Variants in DIP2C observed in about 807,000 individuals in gnomAD.
DIP2C encodes the protein disco-interacting protein 2 homolog C.
A neutral mutation model predicts 192.4 loss-of-function variants in DIP2C; 33 were observed. The observed-to-expected ratio is 0.17, with a 90% CI of 0.13 to 0.23. The LOEUF (loss-of-function observed/expected upper bound fraction) is 0.23, where lower values mean the gene tolerates loss of function less well. Among genes scored for constraint, DIP2C ranks in the 10% least tolerant of loss-of-function variants. The probability of loss-of-function intolerance (pLI) is 1.00; values close to 1 mark genes in which losing one functional copy is unlikely to be tolerated. For missense variants in DIP2C, 1,537 were observed against 2,110.1 expected (o/e 0.73, Z 5.32); for synonymous variants, 979 against 864.1 (o/e 1.13, Z -2.33).
Position 651,022 on chromosome 10 carries a change from C to T in DIP2C, c.85+38472G>A, listed in dbSNP as rs1000967076. On this transcript the variant is annotated intron_variant, in intron 1 of 36. Transcript: ENST00000280886. The surrounding 1 kb of genome is among the most constrained non-coding windows in gnomAD (Gnocchi z 4.1). ...GTGCCAGGGCTCAGGCCCCAGCCCC[C>T]GTTTCTGCAGAAGCCCCTTTCCATC... 1.4e-5 allele frequency: 10 copies of T among 717,340 alleles called. No individual in the cohort carries two copies. Among genetic ancestry groups the T allele is most frequent in the East Asian group, 2.7e-5 (1 of 37,300 alleles). The allele number at this position is 717,340 out of a possible 1,614,324, so 44.4% of individuals were successfully genotyped here.
chr10:417,753 G>A (rs1473603753), intron 6 of DIP2C, among the ~76,000 whole-genome samples: 2 of 129,488 alleles, frequency 1.5e-5, no homozygotes, highest in African/African-American at 6.5e-5. Context: ...GGCTCGGATA[G>A]GCATCCCTGT....
rs187492577 is a variant in DIP2C, at chr10:463,308, A to G, written c.268+9131T>C. ...TAAGCAACTTCAGCAAAGTCTCAGG[A>G]TACAAAATCAATGTGCAAAAATCAC... On this transcript the variant is annotated intron_variant, in intron 3 of 36. Coordinates refer to ENST00000280886, the MANE Select transcript of DIP2C (RefSeq NM_014974.3). 1.8e-4 allele frequency among the ~76,000 whole-genome samples: 27 copies of G among 152,348 alleles called. No homozygotes were observed. The East Asian group carries it at 4.6e-3, about 26-fold the overall frequency.
intron 18 of DIP2C, among the ~76,000 whole-genome samples, chr10:367,259 T>C (rs971711446): frequency 1.3e-5 from 2 of 151,656 alleles, no homozygotes; most frequent in East Asian, 1.9e-4. Flanking sequence ...CTACTAAAAA[T>C]ACAAAAAAGT....
chr10:671,226 G>A (rs1177393365), intron 1 of DIP2C, among the ~76,000 whole-genome samples: 1 of 152,266 alleles, frequency 6.6e-6, no homozygotes, highest in Non-Finnish European at 1.5e-5. Context: ...AGTAAGTGGT[G>A]ACTAGAGAGA....
chr10:416,157 AC>A (rs1965622393), intron 6 of DIP2C, among the ~76,000 whole-genome samples: 1 of 152,136 alleles, frequency 6.6e-6, no homozygotes. Context: ...TCAGGGCCAC[AC>A]CTGCTTGACC....
chr10:582,455 C>T (rs936127619), intron 1 of DIP2C, among the ~76,000 whole-genome samples: 1 of 152,174 alleles, frequency 6.6e-6, no homozygotes, highest in Non-Finnish European at 1.5e-5. Flanking sequence ...TGCTGGTGCG[C>T]GCCTGAGGTC....
At chr10:625,680 A>G (rs1249532986) in intron 1 of DIP2C, among the ~76,000 whole-genome samples, 1 of 152,228 alleles carries the variant, frequency 6.6e-6, no homozygotes, top group Non-Finnish European at 1.5e-5. Flanking sequence ...TCACGGCTGA[A>G]GCAGGAACGA....
intron 32 of DIP2C, among the ~76,000 whole-genome samples, chr10:289,756 G>C (rs1171678362): frequency 6.6e-6 from 1 of 152,192 alleles, no homozygotes; most frequent in Non-Finnish European, 1.5e-5. Context: ...CGTGGCACGA[G>C]GGAGGCCACG....
chr10:377,581 T>C (rs1007183753), intron 17 of DIP2C, among the ~76,000 whole-genome samples: 1 of 152,192 alleles, frequency 6.6e-6, no homozygotes, highest in African/African-American at 2.4e-5. Context: ...TTCTCTTACA[T>C]GCGGGATTAT....
chr10:559,312 A>G lies in DIP2C; in HGVS notation c.86-72782T>C, dbSNP rs565661039. ...CCTCGGCCTGGAACAGCTGGTGTCCATGGGGGCGGTGGGGAACGCCGGGGG... is the reference window on the plus strand; with the variant it reads ...CCTCGGCCTGGAACAGCTGGTGTCCGTGGGGGCGGTGGGGAACGCCGGGGG... On this transcript the variant is annotated intron_variant, in intron 1 of 36. Transcript: ENST00000280886. 2.5e-3 allele frequency among the ~76,000 whole-genome samples: 337 copies of G among 133,006 alleles called. 4 individuals are homozygous for G. Among genetic ancestry groups the G allele is most frequent in the African/African-American group, 9.7e-3 (297 of 30,674 alleles). The allele number at this position is 133,006 out of a possible 152,430, so 87.3% of individuals were successfully genotyped here. A position where few individuals can be genotyped will look rare whatever the true frequency, so the allele number is the denominator to read the frequency against.
chr10:356,495 G>GAGGAAC lies in DIP2C; in HGVS notation c.2910_2915dup (p.Phe971_Leu972dup). 1 of 1,612,096 alleles carries GAGGAAC rather than the reference G, an allele frequency of 6.2e-7. No homozygotes were observed. The highest frequency in any genetic ancestry group is 8.5e-7 in the Non-Finnish European group (1 of 1,179,774). On this transcript the variant is annotated inframe_insertion, in exon 24 of 37. Coordinates refer to ENST00000280886, the MANE Select transcript of DIP2C (RefSeq NM_014974.3). ...GTGCTCTCCACTGCAAGACCTCTGA[G>GAGGAAC]AGGAACAGGAACTGGAACAGAGCAC...
chr10:373,382 T>C (rs1463374280), intron 17 of DIP2C, among the ~76,000 whole-genome samples: 1 of 152,162 alleles, frequency 6.6e-6, no homozygotes, highest in Non-Finnish European at 1.5e-5. Context: ...CTCCTAGATA[T>C]GCAGTTAAGT....
chr10:610,193 C>T (rs187812677), intron 1 of DIP2C, among the ~76,000 whole-genome samples: 3 of 152,278 alleles, frequency 2.0e-5, no homozygotes, highest in Admixed American at 2.0e-4. Flanking sequence ...GAGGACATTA[C>T]ATTAAGCAAA....
At chr10:621,551 TCAAA>T (rs374518516) in intron 1 of DIP2C, among the ~76,000 whole-genome samples, 4 of 151,904 alleles carry the variant, frequency 2.6e-5, no homozygotes, top group African/African-American at 9.7e-5. Context: ...GCAGCCTGAG[TCAAA>T]CAGTCACAGA....
At chr10:348,576 G>C in intron 26 of DIP2C, 65 bp downstream of exon 26, 1 of 1,574,926 alleles carries the variant, frequency 6.3e-7, no homozygotes. Context: ...GTCAGAGTCT[G>C]CGCGTTGCAA....
chr10:645,812 T>G (rs1366828259), intron 1 of DIP2C, among the ~76,000 whole-genome samples: 1 of 152,194 alleles, frequency 6.6e-6, no homozygotes, highest in Non-Finnish European at 1.5e-5. Context: ...GACGTGTCAC[T>G]TCTGTAATGT....
chr10:413,883 C>T, intron 8 of DIP2C, 30 bp downstream of exon 8: 1 of 1,602,096 alleles, frequency 6.2e-7, no homozygotes, highest in Non-Finnish European at 8.5e-7. Flanking sequence ...AGGGGGTGGG[C>T]AAAGGGCAGA....
chr10:311,133 TCCCGGCGGA>T (rs1333725892), intron 31 of DIP2C, among the ~76,000 whole-genome samples: 1 of 151,646 alleles, frequency 6.6e-6, no homozygotes, highest in African/African-American at 2.4e-5. Context: ...CGAGTCAGCC[TCCCGGCGGA>T]CGCTCCCAGT....
intron 1 of DIP2C, among the ~76,000 whole-genome samples, chr10:594,417 A>G (rs566458326): frequency 6.6e-6 from 1 of 152,130 alleles, no homozygotes; most frequent in East Asian, 1.9e-4. Context: ...ATAAGGGAAC[A>G]TGGCCGAGTA....
Sources: allele counts gnomAD v4.1 joint callset (sites outside exome capture counted in the v4.1 genomes callset), GRCh38; gene constraint gnomAD v4.1.1; non-coding constraint Gnocchi (gnomAD v3.1); transcripts MANE v1.5; gene names NCBI Gene and HGNC (gene_info 2026-07-23, HGNC 2026-07-21).